Variants in ZNF106 observed in about 807,000 individuals in gnomAD.
The protein encoded by ZNF106 is SH3-domain binding protein 3.
In ZNF106, 67 loss-of-function variants were observed where a neutral mutation model predicts 195.1. That is an observed-to-expected ratio of 0.34 (90% CI 0.28 to 0.42). The LOEUF (loss-of-function observed/expected upper bound fraction) is 0.42. ZNF106 is among the 10% of genes least tolerant of loss of function. ZNF106 has a pLI of 1.00. For synonymous variants in ZNF106, 784 were observed against 818.6 expected (o/e 0.96, Z 0.72); for missense variants, 2,118 against 2,304.5 (o/e 0.92, Z 1.66).
intron 14 of ZNF106, among the ~76,000 whole-genome samples, chr15:42,429,850 C>T (rs1294978622): frequency 6.6e-6 from 1 of 151,988 alleles, no homozygotes; most frequent in Non-Finnish European, 1.5e-5. Flanking sequence ...AATTTTCAAA[C>T]ATTATGGTGA....
chr15:42,458,848 A>G (rs1443102866), intron 3 of ZNF106, among the ~76,000 whole-genome samples: 4 of 151,712 alleles, frequency 2.6e-5, no homozygotes, highest in Admixed American at 2.6e-4. Context: ...CTTCTAGTAA[A>G]TACTTAGCAT....
At chr15:42,421,187 A>G in intron 19 of ZNF106, 55 bp from the exon 20 acceptor site, 1 of 1,515,422 alleles carries the variant, frequency 6.6e-7, no homozygotes, top group Non-Finnish European at 9.2e-7. Flanking sequence ...ACTACAAAAC[A>G]CCCTCAAAAC....
At chr15:42,419,421 A>T (rs1017202935) in intron 20 of ZNF106, among the ~76,000 whole-genome samples, 1 of 152,174 alleles carries the variant, frequency 6.6e-6, no homozygotes, top group Non-Finnish European at 1.5e-5. Context: ...ACATGCCTAC[A>T]GTCCCAGCTA....
Position 42,421,996 on chromosome 15 carries a change from A to C in ZNF106, c.5374-8T>G. On this transcript the variant is annotated splice_polypyrimidine_tract_variant and splice_region_variant and intron_variant, in intron 18 of 21. Coordinates refer to ENST00000564754, the MANE Select transcript of ZNF106 (RefSeq NM_001366845.3). ...TTGTAATCGATCATGAGACTTAGGCAGAAAAAAAAAAAGAGAATTGAAGTT... is the reference window on the plus strand; with the variant it reads ...TTGTAATCGATCATGAGACTTAGGCCGAAAAAAAAAAAGAGAATTGAAGTT... The C allele has an allele frequency of 6.4e-7, 1 of 1,569,474 alleles. No individual in the cohort carries two copies. The highest frequency in any genetic ancestry group is 8.6e-7 in the Non-Finnish European group (1 of 1,157,514).
chr15:42,485,066 T>C (rs1468116321), intron 1 of ZNF106, among the ~76,000 whole-genome samples: 1 of 151,766 alleles, frequency 6.6e-6, no homozygotes, highest in Non-Finnish European at 1.5e-5. Flanking sequence ...CAAGAATCAC[T>C]TGAACCCAGG....
chr15:42,430,871 C>T (rs1294060672), intron 14 of ZNF106, among the ~76,000 whole-genome samples: 1 of 151,858 alleles, frequency 6.6e-6, no homozygotes, highest in African/African-American at 2.4e-5. Context: ...GCTTGAACTC[C>T]TGGCCTCAAA....
chr15:42,475,209 T>C (rs2056758838), intron 1 of ZNF106, among the ~76,000 whole-genome samples: 1 of 152,154 alleles, frequency 6.6e-6, no homozygotes, highest in African/African-American at 2.4e-5. Context: ...TCCCAGCACT[T>C]TGGGAGGCCG....
intron 20 of ZNF106, among the ~76,000 whole-genome samples, chr15:42,418,532 A>ATTTTTTTTTTTTTTTTTT (rs1162999546): frequency 3.1e-5 from 3 of 96,228 alleles, no homozygotes; most frequent in African/African-American, 1.3e-4. Flanking sequence ...CGGCCAGTTA[A>ATTTTTTTTTTTTTTTTTT]TTTTTTTTTT....
chr15:42,488,041 C>T (rs1240288616), intron 1 of ZNF106, among the ~76,000 whole-genome samples: 1 of 152,138 alleles, frequency 6.6e-6, no homozygotes, highest in African/African-American at 2.4e-5. Flanking sequence ...CATGTAAGAC[C>T]TAATACAATG....
At chr15:42,480,212 C>A (rs2056870877) in intron 1 of ZNF106, among the ~76,000 whole-genome samples, 2 of 152,256 alleles carry the variant, frequency 1.3e-5, no homozygotes, top group East Asian at 3.9e-4. Context: ...TCCATTTTTG[C>A]TTCATGTATT....
At chr15:42,418,889 G>C (rs571199115) in intron 20 of ZNF106, among the ~76,000 whole-genome samples, 1 of 151,536 alleles carries the variant, frequency 6.6e-6, no homozygotes. Flanking sequence ...ACTTATAAAC[G>C]TGGCTTAATT....
chr15:42,427,996 C>T (rs1164631441), intron 15 of ZNF106, 22 bp downstream of exon 15: 1 of 1,598,916 alleles, frequency 6.3e-7, no homozygotes, highest in Non-Finnish European at 8.6e-7. Context: ...GGAAGTAAGC[C>T]TTTTCTCCTC....
chr15:42,424,503 T>G (rs1181671186), intron 16 of ZNF106: 2 of 288,056 alleles, frequency 6.9e-6, no homozygotes, highest in African/African-American at 2.2e-5. Context: ...TTGCTTTGCT[T>G]GAGTCAAGGT....
At chr15:42,420,956 G>T in intron 20 of ZNF106, 105 bp downstream of exon 20, 1 of 1,049,658 alleles carries the variant, frequency 9.5e-7, no homozygotes, top group Non-Finnish European at 1.5e-6. Flanking sequence ...TAAAGTAGAT[G>T]CTAAAATATA....
Position 42,450,372 on chromosome 15 carries a change from T to C in ZNF106, c.1900A>G (p.Thr634Ala). The change falls in exon 5 of 22, where the codon ACT becomes GCT. Residue 634 changes from threonine to alanine, a missense_variant. By Grantham distance (58) the Thr-to-Ala change is moderately conservative. Transcript: ENST00000564754. ...GTKIGTLGSATTELLSGSTRT... is the reference protein window; with the variant it reads ...GTKIGTLGSAATELLSGSTRT... The stretch of plus-strand genomic sequence containing the variant: ...GTGCTGCCAGATAACAATTCTGTAG[T>C]TGCAGAACCTAGGGTTCCAATTTTT... 1.2e-6 allele frequency: 2 copies of C among 1,614,198 alleles called. No homozygotes were observed. The highest frequency in any genetic ancestry group is 1.7e-6 in the Non-Finnish European group (2 of 1,180,028).
At chr15:42,469,686 A>T (rs975232991) in intron 2 of ZNF106, among the ~76,000 whole-genome samples, 8 of 151,966 alleles carry the variant, frequency 5.3e-5, no homozygotes, top group African/African-American at 1.9e-4. Context: ...TACAAAAAAA[A>T]ATTTTTAATT....
At chr15:42,444,596 G>A (rs994549468) in intron 8 of ZNF106, among the ~76,000 whole-genome samples, 2 of 152,212 alleles carry the variant, frequency 1.3e-5, no homozygotes, top group Non-Finnish European at 2.9e-5. Flanking sequence ...GACTGCTGCA[G>A]CCTACTCTGT....
intron 1 of ZNF106, among the ~76,000 whole-genome samples, chr15:42,479,770 G>A (rs915936922): frequency 1.3e-5 from 2 of 151,886 alleles, no homozygotes; most frequent in African/African-American, 2.4e-5. Context: ...TGAACCCGGG[G>A]AGTAGAGGTT....
intron 10 of ZNF106, among the ~76,000 whole-genome samples, chr15:42,440,124 T>C (rs555719104): frequency 6.6e-6 from 1 of 152,376 alleles, no homozygotes; most frequent in South Asian, 2.1e-4. Flanking sequence ...GGTTTATTCT[T>C]AGTAGACACT....
Sources: allele counts gnomAD v4.1 joint callset (sites outside exome capture counted in the v4.1 genomes callset), GRCh38; gene constraint gnomAD v4.1.1; transcripts MANE v1.5; gene names NCBI Gene and HGNC (gene_info 2026-07-23, HGNC 2026-07-21).